The following PYURF variants were observed in gnomAD, a reference collection of about 807,000 sequenced individuals.
PYURF encodes the protein PIGY upstream open reading frame.
A neutral mutation model predicts 8.0 loss-of-function variants in PYURF; 9 were observed. That is an observed-to-expected ratio of 1.13 (90% CI 0.68 to 1.97). PYURF has a LOEUF of 1.97. Among genes scored for constraint, PYURF ranks in the 30% most tolerant of loss-of-function variants. The pLI is 0.00. For missense variants in PYURF, 130 were observed against 158.0 expected (o/e 0.82, Z 0.95); for synonymous variants, 56 against 68.3 (o/e 0.82, Z 0.89).
intron 1 of PYURF, among the ~76,000 whole-genome samples, chr4:88,522,382 A>C (rs1021783237): frequency 6.6e-6 from 1 of 152,146 alleles, no homozygotes. Flanking sequence ...TTAATTTACT[A>C]CTGGAATAAA....
At chr4:88,522,085 A>G in intron 1 of PYURF, 56 bp from the exon 2 acceptor site, 1 of 1,466,864 alleles carries the variant, frequency 6.8e-7, no homozygotes, top group Non-Finnish European at 9.1e-7. Flanking sequence ...ATGCTTGAAG[A>G]GCCTGATTTT....
In PYURF at chr4:88,521,397, G is replaced by A. The variant is rs537030565; in HGVS notation, c.*491C>T. ...TAAGTCAGAGCCTTCAAAAAACAAG[G>A]GCAGAACAAGAGTACAATAAAAGAA... On this transcript the variant is annotated 3_prime_UTR_variant, in exon 2 of 2. Transcript: ENST00000273968. 8.4e-6 allele frequency: 5 copies of A among 592,880 alleles called. No individual in the cohort carries two copies. Among genetic ancestry groups the A allele is most frequent in the African/African-American group, 7.4e-5 (4 of 53,924 alleles). 36.7% of individuals were successfully genotyped at this position (592,880 alleles called of 1,614,324 possible).
At chr4:88,523,115 AAAAAGG>A (rs1742434738) in intron 1 of PYURF, among the ~76,000 whole-genome samples, 2 of 132,438 alleles carry the variant, frequency 1.5e-5, no homozygotes, top group South Asian at 4.9e-4. Flanking sequence ...AAGGAAAAAA[AAAAAGG>A]AAAAGAAAAT....
intron 1 of PYURF, among the ~76,000 whole-genome samples, chr4:88,523,009 G>A (rs1408110187): frequency 6.6e-6 from 1 of 152,154 alleles, no homozygotes; most frequent in Admixed American, 6.6e-5. Flanking sequence ...CAGATAAGCT[G>A]GGCGTGGGGG....
intron 1 of PYURF, among the ~76,000 whole-genome samples, chr4:88,522,383 C>T (rs1742402494): frequency 6.6e-6 from 1 of 152,084 alleles, no homozygotes; most frequent in Admixed American, 6.5e-5. Flanking sequence ...TAATTTACTA[C>T]TGGAATAAAC....
chr4:88,523,622 A>G lies in PYURF; in HGVS notation c.79T>C (p.Cys27Arg). Residue 27 changes from cysteine (C) to arginine (R), a missense_variant, in exon 1 of 2, where the codon TGC (cysteine) becomes CGC (arginine). Physicochemically the swap from Cys to Arg is radical, Grantham distance 180. Transcript: ENST00000273968. ...GGCCGCGACCCCGACGCGTGCAGGC[A>G]CCTACGGGCGACCGCGGACGGCGGC... ...RAPPSAVARRCLHASGSRPLA... is the reference protein window; with the variant it reads ...RAPPSAVARRRLHASGSRPLA... 1 of 1,545,502 alleles carries G rather than the reference A, an allele frequency of 6.5e-7. No homozygotes were observed. The highest frequency in any genetic ancestry group is 2.5e-5 in the East Asian group (1 of 40,790).
At position 88,523,494 on chromosome 4, in the gene PYURF, T is replaced by A; in HGVS notation, c.203+4A>T. On this transcript the variant is annotated splice_donor_region_variant and intron_variant, in intron 1 of 1. Coordinates refer to ENST00000273968, the MANE Select transcript of PYURF (RefSeq NM_032906.5). Reference sequence around the variant, plus strand: ...CAAAGGAAGGGCCAAGGCCAGCGAGTTACCTGAGCGGCTTCTTGGAGAGCG... The same window carrying A: ...CAAAGGAAGGGCCAAGGCCAGCGAGATACCTGAGCGGCTTCTTGGAGAGCG... The A allele has an allele frequency of 1.3e-6, 2 of 1,550,738 alleles. No individual in the cohort carries two copies. The highest frequency in any genetic ancestry group is 1.7e-6 in the Non-Finnish European group (2 of 1,146,748).
chr4:88,523,637 CG>C lies in PYURF; in HGVS notation c.63del (p.Ala22ArgfsTer55), dbSNP rs1049033686. 1.8e-5 allele frequency: 28 copies of C among 1,540,994 alleles called. No homozygotes were observed. The highest frequency in any genetic ancestry group is 1.8e-5 in the Non-Finnish European group (21 of 1,144,726). On this transcript the variant is annotated frameshift_variant, in exon 1 of 2. Transcript: ENST00000273968. LOFTEE classifies it high-confidence loss of function. Reference protein sequence around the residue: ...SALRGTRAPPSAVARRCLHAS... With the variant: ...SALRGTRAPPXAVARRCLHAS... Reference sequence around the variant, plus strand: ...GCGTGCAGGCACCTACGGGCGACCGCGGACGGCGGCGCGCGCGTTCCCCGCA... The same window carrying C: ...GCGTGCAGGCACCTACGGGCGACCGCGACGGCGGCGCGCGCGTTCCCCGCA...
chr4:88,522,111 TTTATC>T, intron 1 of PYURF, 82 bp from the exon 2 acceptor site: 2 of 1,301,978 alleles, frequency 1.5e-6, no homozygotes, highest in Non-Finnish European at 2.1e-6. Context: ...AATACCACCA[TTTATC>T]CAATTTTTGG....
Position 88,521,599 on chromosome 4 carries a change from C to T in PYURF, c.*289G>A. 6.2e-7 allele frequency: 1 copy of T among 1,612,884 alleles called. No individual in the cohort carries two copies. Among genetic ancestry groups the T allele is most frequent in the Non-Finnish European group, 8.5e-7 (1 of 1,178,930 alleles). On this transcript the variant is annotated 3_prime_UTR_variant, in exon 2 of 2. Coordinates refer to ENST00000273968, the MANE Select transcript of PYURF (RefSeq NM_032906.5). ...TCAATTATGCCTGAAGAGTTTAATA[C>T]CCATCCAAGTCCAAAGGTGGAAGAA...
At position 88,521,817 on chromosome 4, in the gene PYURF, TG is replaced by T; in HGVS notation, c.*70del. The T allele has an allele frequency of 6.3e-7, 1 of 1,597,038 alleles. No homozygotes were observed. The highest frequency in any genetic ancestry group is 8.5e-7 in the Non-Finnish European group (1 of 1,170,926). On this transcript the variant is annotated 3_prime_UTR_variant, in exon 2 of 2. Transcript: ENST00000273968. ...TTCTCTTCCACTTATTACCTGCCACTGTGTTTTAAAAGGTATATGGTATTAA... is the reference window on the plus strand; with the variant it reads ...TTCTCTTCCACTTATTACCTGCCACTTGTTTTAAAAGGTATATGGTATTAA...
chr4:88,523,632 G>A lies in PYURF; in HGVS notation c.69C>T (p.Val23=). 1 of 1,542,878 alleles carries A rather than the reference G, an allele frequency of 6.5e-7. No individual in the cohort carries two copies. Among genetic ancestry groups the A allele is most frequent in the Non-Finnish European group, 8.7e-7 (1 of 1,145,022 alleles). ...LRGTRAPPSA[V]ARRCLHASGS... is the part of the protein sequence containing the mutation. Reference sequence around the variant, plus strand: ...CCGACGCGTGCAGGCACCTACGGGCGACCGCGGACGGCGGCGCGCGCGTTC... The same window carrying A: ...CCGACGCGTGCAGGCACCTACGGGCAACCGCGGACGGCGGCGCGCGCGTTC... The change falls in exon 1 of 2, where the codon GTC becomes GTT. Residue 23 remains valine, a synonymous_variant. Coordinates refer to ENST00000273968, the MANE Select transcript of PYURF (RefSeq NM_032906.5).
In PYURF at chr4:88,521,801, A is replaced by G. The variant is rs896291167; in HGVS notation, c.*87T>C. The G allele has an allele frequency of 1.9e-6, 3 of 1,605,934 alleles. No homozygotes were observed. The highest frequency in any genetic ancestry group is 3.4e-5 in the Admixed American group (2 of 58,900). On this transcript the variant is annotated 3_prime_UTR_variant, in exon 2 of 2. Transcript: ENST00000273968. ...AGAGACAGAAACATTCTTCTCTTCC[A>G]CTTATTACCTGCCACTGTGTTTTAA... is the stretch of plus-strand genomic sequence containing the variant.
chr4:88,523,126 G>A lies in PYURF; in HGVS notation c.203+372C>T, dbSNP rs550264044. Among the ~76,000 whole-genome samples the A allele has an allele frequency of 9.3e-4, 141 of 151,818 alleles. 2 individuals are homozygous for A. In the East Asian group the frequency reaches 0.026, roughly 28 times the overall value. ...TTAAAAGGAAAAAAAAAAAGGAAAA[G>A]AAAATACAAATGTTCAGGTCCCATC... is the stretch of plus-strand genomic sequence containing the variant. On this transcript the variant is annotated intron_variant, in intron 1 of 1. Transcript: ENST00000273968.
At chr4:88,522,143 G>T in intron 1 of PYURF, 114 bp from the exon 2 acceptor site, 1 of 909,274 alleles carries the variant, frequency 1.1e-6, no homozygotes. Context: ...GTTAATCCCA[G>T]AATAGTCTTC....
chr4:88,521,384 T>C lies in PYURF; in HGVS notation c.*504A>G. 1.7e-6 allele frequency: 1 copy of C among 579,490 alleles called. No homozygotes were observed. The allele number at this position is 579,490 out of a possible 1,614,324, so 35.9% of individuals were successfully genotyped here. Reference sequence around the variant, plus strand: ...GATACAGCAGTTATAAGTCAGAGCCTTCAAAAAACAAGGGCAGAACAAGAG... The same window carrying C: ...GATACAGCAGTTATAAGTCAGAGCCCTCAAAAAACAAGGGCAGAACAAGAG... On this transcript the variant is annotated 3_prime_UTR_variant, in exon 2 of 2. Transcript: ENST00000273968.
At position 88,523,771 on chromosome 4, in the gene PYURF, G is replaced by C; in HGVS notation, c.-71C>G. ...TGGCCGAGCTCCCGGCTTCCCGTTCGTCCAGGCCAGCCGGGCAGGCCCCGC... is the reference window on the plus strand; with the variant it reads ...TGGCCGAGCTCCCGGCTTCCCGTTCCTCCAGGCCAGCCGGGCAGGCCCCGC... On this transcript the variant is annotated 5_prime_UTR_variant, in exon 1 of 2. Coordinates refer to ENST00000273968, the MANE Select transcript of PYURF (RefSeq NM_032906.5). 2 of 1,356,358 alleles carry C rather than the reference G, an allele frequency of 1.5e-6. No homozygotes were observed. The highest frequency in any genetic ancestry group is 1.9e-6 in the Non-Finnish European group (2 of 1,046,718). 84.0% of individuals were successfully genotyped at this position (1,356,358 alleles called of 1,614,324 possible).
At chr4:88,523,372 A>T in intron 1 of PYURF, 126 bp downstream of exon 1, 1 of 998,924 alleles carries the variant, frequency 1.0e-6, no homozygotes, top group Non-Finnish European at 1.5e-6. Flanking sequence ...GACAGAGTCC[A>T]GAATGTGGCA....
rs557208003 is a variant in PYURF, at chr4:88,523,734, C to T, written c.-34G>A. 31 of 1,406,598 alleles carry T rather than the reference C, an allele frequency of 2.2e-5. No homozygotes were observed. The South Asian group carries it at 4.3e-4, about 20-fold the overall frequency. The allele number at this position is 1,406,598 out of a possible 1,614,324, so 87.1% of individuals were successfully genotyped here. A position where few individuals can be genotyped will look rare whatever the true frequency, so the allele number is the denominator to read the frequency against. On this transcript the variant is annotated 5_prime_UTR_variant, in exon 1 of 2. Coordinates refer to ENST00000273968, the MANE Select transcript of PYURF (RefSeq NM_032906.5). ...AGCCGGAGACCAGGCCTCACCGCAG[C>T]CTCGCCACCCGTGGCCGAGCTCCCG...
Sources: gnomAD v4.1 joint callset for allele counts (sites outside exome capture counted in the v4.1 genomes callset) on GRCh38, gnomAD v4.1.1 for gene constraint, MANE v1.5 for transcripts, NCBI Gene and HGNC (gene_info 2026-07-23, HGNC 2026-07-21) for gene names.